The following TENM3 variants were observed in gnomAD, a reference collection of about 807,000 sequenced individuals.
The protein encoded by TENM3 is teneurin transmembrane protein 3.
TENM3 carries 63 observed loss-of-function variants against 255.1 expected under a neutral mutation model. The ratio of observed to expected loss-of-function variants is 0.25; its 90% CI spans 0.20 to 0.30. The LOEUF (loss-of-function observed/expected upper bound fraction) is 0.30. Among genes scored for constraint, TENM3 ranks in the 10% least tolerant of loss-of-function variants. The probability of loss-of-function intolerance (pLI) is 1.00; values close to 1 mark genes in which losing one functional copy is unlikely to be tolerated. For synonymous variants in TENM3, 1,306 were observed against 1,322.3 expected (o/e 0.99, Z 0.27); for missense variants, 2,929 against 3,461.1 (o/e 0.85, Z 3.86).
the TENM3 span, among the ~76,000 whole-genome samples, chr4:181,463,939 A>T: frequency 6.6e-6 from 1 of 152,140 alleles, no homozygotes; most frequent in Non-Finnish European, 1.5e-5. Context: ...ACTTAGCATA[A>T]TGATTCCAAG....
intron 2 of TENM3, among the ~76,000 whole-genome samples, chr4:182,338,837 T>C (rs1030452571): frequency 5.3e-5 from 8 of 152,212 alleles, no homozygotes; most frequent in African/African-American, 1.9e-4. Flanking sequence ...TTGGAAATTG[T>C]GAAAGAGGAA....
At chr4:181,726,983 G>A in the TENM3 span, among the ~76,000 whole-genome samples, 3 of 152,212 alleles carry the variant, frequency 2.0e-5, no homozygotes, top group African/African-American at 7.2e-5. Context: ...TGCAGATGGA[G>A]AGATGCATAC....
the TENM3 span, among the ~76,000 whole-genome samples, chr4:181,520,265 C>T: frequency 3.9e-5 from 6 of 152,272 alleles, no homozygotes; most frequent in East Asian, 3.9e-4. Flanking sequence ...CATCCTGCAC[C>T]GTGGGAAGCC....
intron 3 of TENM3, among the ~76,000 whole-genome samples, chr4:182,543,432 G>T (rs1377689658): frequency 6.6e-6 from 1 of 152,190 alleles, no homozygotes; most frequent in Non-Finnish European, 1.5e-5. Flanking sequence ...TCTTCAGAAA[G>T]TTTAGCTGTA....
At chr4:181,549,373 CATT>C in the TENM3 span, among the ~76,000 whole-genome samples, 1 of 152,136 alleles carries the variant, frequency 6.6e-6, no homozygotes, top group African/African-American at 2.4e-5. Context: ...CATTTTACAT[CATT>C]GTTATCCTCG....
chr4:181,449,450 C>T, the TENM3 span, among the ~76,000 whole-genome samples: 1 of 152,082 alleles, frequency 6.6e-6, no homozygotes, highest in Non-Finnish European at 1.5e-5. Flanking sequence ...TTATAGGAAA[C>T]TATATTTTAA....
intron 22 of TENM3, among the ~76,000 whole-genome samples, chr4:182,770,105 GAAAA>G (rs34469288): frequency 1.1e-5 from 1 of 92,760 alleles, no homozygotes; most frequent in Non-Finnish European, 2.2e-5. Flanking sequence ...GACTTGTCTC[GAAAA>G]AAAAAAAAAA....
At chr4:181,825,423 A>C in the TENM3 span, among the ~76,000 whole-genome samples, 1 of 148,122 alleles carries the variant, frequency 6.8e-6, no homozygotes, top group Non-Finnish European at 1.5e-5. Flanking sequence ...AAAAAAAAAA[A>C]AAACAGAGAA....
At chr4:182,342,767 C>A (rs994880109) in intron 2 of TENM3, among the ~76,000 whole-genome samples, 2 of 152,082 alleles carry the variant, frequency 1.3e-5, no homozygotes, top group Non-Finnish European at 2.9e-5. Context: ...CCGTGGGGTG[C>A]TTTCGTCATC....
At chr4:182,539,457 G>A (rs781025791) in intron 3 of TENM3, among the ~76,000 whole-genome samples, 50 of 152,022 alleles carry the variant, frequency 3.3e-4, no homozygotes, top group African/African-American at 1.1e-3. Context: ...CAAGAAGTTC[G>A]GCTATGAATA....
At chr4:182,007,444 T>G in the TENM3 span, among the ~76,000 whole-genome samples, 248 of 152,322 alleles carry the variant, frequency 1.6e-3, 2 homozygotes, top group African/African-American at 5.4e-3. Context: ...TAGTTAGCTC[T>G]TCTTGTTTCA....
At chr4:182,697,664 G>A (rs1301458572) in intron 12 of TENM3, among the ~76,000 whole-genome samples, 2 of 152,130 alleles carry the variant, frequency 1.3e-5, no homozygotes, top group Non-Finnish European at 2.9e-5. Context: ...TGAGATGACA[G>A]TATCCACTGG....
At chr4:181,915,838 C>T in the TENM3 span, among the ~76,000 whole-genome samples, 1 of 152,054 alleles carries the variant, frequency 6.6e-6, no homozygotes, top group Non-Finnish European at 1.5e-5. Flanking sequence ...CCACGAGTAA[C>T]GTGTACAATT....
At chr4:181,876,936 AG>A in the TENM3 span, 2 of 152,174 alleles carry the variant, frequency 1.3e-5, no homozygotes, top group African/African-American at 4.8e-5. Flanking sequence ...AGAAAAATAA[AG>A]AAATAATTAT....
chr4:182,235,316 G>T (rs983261042), intron 1 of TENM3, among the ~76,000 whole-genome samples: 1 of 152,210 alleles, frequency 6.6e-6, no homozygotes, highest in Admixed American at 6.5e-5. Flanking sequence ...TGTGATCTCA[G>T]ATATCTCAAA....
intron 1 of TENM3, among the ~76,000 whole-genome samples, chr4:182,236,130 T>G (rs1756889394): frequency 1.3e-5 from 2 of 152,330 alleles, no homozygotes; most frequent in South Asian, 4.1e-4. Context: ...ACCAAAAGCT[T>G]CAACATGTTA....
intron 3 of TENM3, among the ~76,000 whole-genome samples, chr4:182,581,513 G>A (rs1271573342): frequency 6.6e-6 from 1 of 152,100 alleles, no homozygotes; most frequent in African/African-American, 2.4e-5. Flanking sequence ...CGAGGAGGGC[G>A]GATCACCTGA....
In TENM3 at chr4:182,229,637, C is replaced by T. The variant is rs11729034; in HGVS notation, c.-76+84883C>T. ...ATATATATGTGTATATATATATATACACACACACACACATATATGTATATA... is the reference window on the plus strand; with the variant it reads ...ATATATATGTGTATATATATATATATACACACACACACATATATGTATATA... On this transcript the variant is annotated intron_variant, in intron 1 of 2. Coordinates refer to the TENM3 transcript ENST00000512480. Among the ~76,000 whole-genome samples the T allele has an allele frequency of 1.3e-3, 197 of 148,230 alleles. 1 individual carries two copies. The highest frequency in any genetic ancestry group is 3.4e-3 in the Middle Eastern group (1 of 290).
chr4:181,839,386 C>CACAT, the TENM3 span, among the ~76,000 whole-genome samples: 21 of 44,108 alleles, frequency 4.8e-4, 1 homozygote, highest in African/African-American at 1.9e-3. Context: ...TATATATATA[C>CACAT]ACCTATATAC....
Sources: allele counts gnomAD v4.1 joint callset (sites outside exome capture counted in the v4.1 genomes callset), GRCh38; gene constraint gnomAD v4.1.1; transcripts MANE v1.5; gene names NCBI Gene and HGNC (gene_info 2026-07-23, HGNC 2026-07-21).